CHRNA7: variants seen among roughly 807,000 people sequenced by gnomAD.
CHRNA7 encodes neuronal acetylcholine receptor subunit alpha-7.
CHRNA7 carries 17 observed loss-of-function variants against 48.0 expected under a neutral mutation model. The observed-to-expected ratio is 0.35, with a 90% CI of 0.24 to 0.53. The LOEUF is 0.53. Among genes scored for constraint, CHRNA7 ranks in the 20% least tolerant of loss-of-function variants. The pLI is 0.92. For missense variants in CHRNA7, 155 were observed against 577.7 expected (o/e 0.27, Z 7.50); for synonymous variants, 75 against 242.3 (o/e 0.31, Z 6.41).
At chr15:32,071,006 G>A (rs759596675) in intron 2 of CHRNA7, among the ~76,000 whole-genome samples, 23 of 151,754 alleles carry the variant, frequency 1.5e-4, no homozygotes, top group Non-Finnish European at 3.1e-4. Flanking sequence ...TTTTTATATC[G>A]ATGTCCGATT....
At chr15:32,135,844 G>A (rs1318647074) in intron 4 of CHRNA7, among the ~76,000 whole-genome samples, 1 of 152,152 alleles carries the variant, frequency 6.6e-6, no homozygotes, top group Non-Finnish European at 1.5e-5. Flanking sequence ...TAGATAGCTT[G>A]CTAACAAAGA....
intron 2 of CHRNA7, among the ~76,000 whole-genome samples, chr15:32,049,548 G>A (rs575041702): frequency 0.014 from 2,125 of 152,208 alleles, 19 homozygotes; most frequent in South Asian, 0.031. Flanking sequence ...GTCTCTGCAC[G>A]TGAGATGGGT....
At chr15:32,038,258 C>A (rs8035663) in intron 2 of CHRNA7, among the ~76,000 whole-genome samples, 169 of 149,760 alleles carry the variant, frequency 1.1e-3, no homozygotes, top group Middle Eastern at 7.2e-3. Context: ...TACAAAAAAC[C>A]TACAGCTAAC....
chr15:32,060,366 G>A (rs989562300), intron 2 of CHRNA7, among the ~76,000 whole-genome samples: 1 of 152,058 alleles, frequency 6.6e-6, no homozygotes, highest in African/African-American at 2.4e-5. Flanking sequence ...GCGCACACAC[G>A]CACGCATATG....
intron 2 of CHRNA7, among the ~76,000 whole-genome samples, chr15:32,037,714 C>T (rs919986153): frequency 2.6e-5 from 4 of 151,846 alleles, no homozygotes; most frequent in Non-Finnish European, 4.4e-5. Context: ...TTGTTAATTG[C>T]CGAAATATAG....
intron 4 of CHRNA7, among the ~76,000 whole-genome samples, chr15:32,137,762 A>T (rs575550976): frequency 6.7e-4 from 102 of 152,380 alleles, no homozygotes; most frequent in South Asian, 2.3e-3. Context: ...GTGTGTGTGC[A>T]CACATGCACT....
At chr15:32,085,533 G>A (rs1326177699) in intron 2 of CHRNA7, among the ~76,000 whole-genome samples, 1 of 152,182 alleles carries the variant, frequency 6.6e-6, no homozygotes, top group African/African-American at 2.4e-5. Flanking sequence ...TGTGAAACTA[G>A]AATAAATGCT....
At position 32,044,929 on chromosome 15, in the gene CHRNA7, A is replaced by T. The variant is rs146222198; in HGVS notation, c.195+13892A>T. Among the ~76,000 whole-genome samples, 642 of 152,284 alleles carry T rather than the reference A, an allele frequency of 4.2e-3. 7 individuals are homozygous for T. The highest frequency in any genetic ancestry group is 0.015 in the African/African-American group (617 of 41,544). On this transcript the variant is annotated intron_variant, in intron 2 of 9. Transcript: ENST00000306901. Reference sequence around the variant, plus strand: ...CCTATTCTTTGCGGCAATTCCCATTACTTTGTCTCTCCATGCTTCATCCGG... The same window carrying T: ...CCTATTCTTTGCGGCAATTCCCATTTCTTTGTCTCTCCATGCTTCATCCGG...
chr15:32,107,489 T>C (rs187808502), intron 3 of CHRNA7, among the ~76,000 whole-genome samples: 471 of 150,714 alleles, frequency 3.1e-3, no homozygotes, highest in African/African-American at 0.011. Flanking sequence ...AAATATTTAA[T>C]ATCTACTTAT....
intron 2 of CHRNA7, among the ~76,000 whole-genome samples, chr15:32,039,235 A>G (rs113515837): frequency 4.6e-5 from 7 of 151,808 alleles, no homozygotes; most frequent in African/African-American, 1.7e-4. Flanking sequence ...CATTTCCTCT[A>G]TTGATTTCCT....
chr15:32,065,241 A>G lies in CHRNA7; in HGVS notation c.195+34204A>G, dbSNP rs372456307. Among the ~76,000 whole-genome samples the G allele has an allele frequency of 9.2e-5, 14 of 152,296 alleles. No individual in the cohort carries two copies. In the South Asian group the frequency reaches 2.1e-3, roughly 23 times the overall value. On this transcript the variant is annotated intron_variant, in intron 2 of 9. Transcript: ENST00000306901. The stretch of plus-strand genomic sequence containing the variant: ...GCTCCCTGGTAGCCTTGAATCTGCA[A>G]TTCAGGCTGCAATCATGATGAAACC...
intron 2 of CHRNA7, among the ~76,000 whole-genome samples, chr15:32,046,052 T>G (rs1326091047): frequency 6.6e-6 from 1 of 151,816 alleles, no homozygotes; most frequent in Non-Finnish European, 1.5e-5. Flanking sequence ...CCACATTTTC[T>G]TAATCCAGTC....
At chr15:32,150,620 A>G (rs2051606825) in intron 4 of CHRNA7, among the ~76,000 whole-genome samples, 1 of 152,202 alleles carries the variant, frequency 6.6e-6, no homozygotes. Flanking sequence ...GTAGTCTCTA[A>G]GAGTTAAAAT....
At chr15:32,126,410 T>A (rs2051067342) in intron 4 of CHRNA7, among the ~76,000 whole-genome samples, 1 of 152,218 alleles carries the variant, frequency 6.6e-6, no homozygotes, top group Non-Finnish European at 1.5e-5. Flanking sequence ...TATCTTGGCT[T>A]TGTTGAACTC....
intron 2 of CHRNA7, among the ~76,000 whole-genome samples, chr15:32,059,210 G>A (rs1379585559): frequency 6.6e-6 from 1 of 152,090 alleles, no homozygotes. Context: ...TACCGTGTTG[G>A]CCAGGCTGGT....
At chr15:32,137,761 C>T (rs1406190980) in intron 4 of CHRNA7, among the ~76,000 whole-genome samples, 2 of 152,172 alleles carry the variant, frequency 1.3e-5, no homozygotes, top group Non-Finnish European at 2.9e-5. Context: ...CGTGTGTGTG[C>T]ACACATGCAC....
intron 4 of CHRNA7, among the ~76,000 whole-genome samples, chr15:32,128,231 C>T (rs184410336): frequency 4.2e-4 from 64 of 152,056 alleles, no homozygotes; most frequent in Non-Finnish European, 6.2e-4. Flanking sequence ...TAGAGTGTTT[C>T]TTCCCATTTT....
At chr15:32,081,748 C>T (rs967683) in intron 2 of CHRNA7, among the ~76,000 whole-genome samples, 149,350 of 152,278 alleles carry the variant, frequency 0.98, 73,312 homozygotes, top group South Asian at 1. Flanking sequence ...ACAAACATAA[C>T]TTAGAATACT....
intron 4 of CHRNA7, among the ~76,000 whole-genome samples, chr15:32,121,156 A>G (rs2050962411): frequency 6.6e-6 from 1 of 152,136 alleles, no homozygotes; most frequent in Non-Finnish European, 1.5e-5. Context: ...GATGTGCCCC[A>G]TTGCTTGTAT....
Sources: allele counts gnomAD v4.1 joint callset (sites outside exome capture counted in the v4.1 genomes callset), GRCh38; gene constraint gnomAD v4.1.1; transcripts MANE v1.5; gene names NCBI Gene and HGNC (gene_info 2026-07-23, HGNC 2026-07-21).